Variants in CDH4 observed in about 807,000 individuals in gnomAD.
CDH4 encodes cadherin-4.
In CDH4, 33 loss-of-function variants were observed where a neutral mutation model predicts 86.0. The observed-to-expected ratio is 0.38, with a 90% confidence interval of 0.29 to 0.51. The LOEUF (loss-of-function observed/expected upper bound fraction) is 0.51. Among genes scored for constraint, CDH4 ranks in the 20% least tolerant of loss-of-function variants. CDH4 has a pLI of 0.86. For synonymous variants in CDH4, 555 were observed against 549.4 expected, an observed-to-expected ratio of 1.01 and a Z score of -0.14; for missense variants, 1,114 against 1,307.4, an observed-to-expected ratio of 0.85 and a Z score of 2.28.
chr20:61,387,810 C>T (rs927773816), intron 2 of CDH4, among the ~76,000 whole-genome samples: 1 of 152,208 alleles, frequency 6.6e-6, no homozygotes, highest in Non-Finnish European at 1.5e-5. Flanking sequence ...AAGCCCGCAC[C>T]GGCCCGTGGC....
Position 61,623,318 on chromosome 20 carries a change from C to T in CDH4, c.170-120245C>T, listed in dbSNP as rs2086795861. Among the ~76,000 whole-genome samples the T allele has an allele frequency of 6.6e-6, 1 of 152,168 alleles. No individual in the cohort carries two copies. Among genetic ancestry groups the T allele is most frequent in the South Asian group, 2.1e-4 (1 of 4,828 alleles). On this transcript the variant is annotated intron_variant, in intron 2 of 15. Coordinates refer to ENST00000614565, the MANE Select transcript of CDH4 (RefSeq NM_001794.5). This position sits in a 1 kb window ranked among gnomAD's most constrained non-coding sequence, Gnocchi z 4.4. ...AGCAGACAGCTGCTGGTTTCCGTGG[C>T]TGCCTTCCTAGGGGAGCATGGTGAC...
chr20:61,769,033 G>A (rs2145980742), intron 3 of CDH4, among the ~76,000 whole-genome samples: 1 of 152,292 alleles, frequency 6.6e-6, no homozygotes, highest in East Asian at 1.9e-4. Flanking sequence ...GTCTCCCGCT[G>A]GGAGATGCGG....
chr20:61,340,913 C>G (rs1037379165), intron 2 of CDH4, among the ~76,000 whole-genome samples: 2 of 152,178 alleles, frequency 1.3e-5, no homozygotes, highest in Non-Finnish European at 2.9e-5. Context: ...ATTAGCCACA[C>G]CTTCATGAGC....
At chr20:61,576,061 A>T (rs758861321) in intron 2 of CDH4, among the ~76,000 whole-genome samples, 1 of 152,166 alleles carries the variant, frequency 6.6e-6, no homozygotes, top group Non-Finnish European at 1.5e-5. Flanking sequence ...GGAGGGGAAG[A>T]TGAAAGAGGG....
chr20:61,842,915 C>T (rs1197188219), intron 4 of CDH4, among the ~76,000 whole-genome samples: 17 of 152,116 alleles, frequency 1.1e-4, no homozygotes, highest in Admixed American at 1.1e-3. Flanking sequence ...GTATAACAGT[C>T]GCGTTGTTAT....
intron 2 of CDH4, among the ~76,000 whole-genome samples, chr20:61,631,634 A>G (rs1362794997): frequency 6.6e-6 from 1 of 151,892 alleles, no homozygotes; most frequent in African/African-American, 2.4e-5. Context: ...ACAAAGCAAA[A>G]CTCCATCTCT....
intron 2 of CDH4, among the ~76,000 whole-genome samples, chr20:61,680,021 TG>T (rs2087493032): frequency 1.3e-5 from 2 of 152,236 alleles, no homozygotes; most frequent in Admixed American, 1.3e-4. Context: ...CTGAGGAGCC[TG>T]TCCACAGCCT....
rs1297608378 is a variant in CDH4, at chr20:61,811,217, T to C, written c.577-33451T>C. On this transcript the variant is annotated intron_variant, in intron 4 of 15. Transcript: ENST00000614565. The surrounding 1 kb of genome is among the most constrained non-coding windows in gnomAD (Gnocchi z 4.4). ...ATCCCTGCTGAGGATGTGAACCAGG[T>C]GAAGTGAAGAATTGCTGGAGGAAAC... is the stretch of plus-strand genomic sequence containing the variant. Among the ~76,000 whole-genome samples the C allele has an allele frequency of 1.3e-5, 2 of 151,384 alleles. No individual in the cohort carries two copies. Among genetic ancestry groups the C allele is most frequent in the Admixed American group, 1.3e-4 (2 of 15,208 alleles).
chr20:61,485,156 C>CT (rs2085589088), intron 2 of CDH4, among the ~76,000 whole-genome samples: 1 of 152,198 alleles, frequency 6.6e-6, no homozygotes. Context: ...GTCAGCACCC[C>CT]TGTTCCATTG....
chr20:61,899,600 TG>T (rs2122886234), intron 8 of CDH4, among the ~76,000 whole-genome samples: 1 of 152,228 alleles, frequency 6.6e-6, no homozygotes, highest in East Asian at 1.9e-4. Flanking sequence ...GCTAATTTTT[TG>T]TATTCTTAGT....
At chr20:61,721,352 C>A (rs2088039319) in intron 2 of CDH4, among the ~76,000 whole-genome samples, 1 of 152,186 alleles carries the variant, frequency 6.6e-6, no homozygotes, top group Non-Finnish European at 1.5e-5. Context: ...GGCTGCTGGA[C>A]AGTCCTCTCC....
At position 61,419,410 on chromosome 20, in the gene CDH4, T is replaced by C. The variant is rs145635749; in HGVS notation, c.169+164473T>C. Among the ~76,000 whole-genome samples the C allele has an allele frequency of 2.4e-4, 36 of 152,294 alleles. No individual in the cohort carries two copies. In the East Asian group the frequency reaches 6.9e-3, roughly 29 times the overall value. On this transcript the variant is annotated intron_variant, in intron 2 of 15. Transcript: ENST00000614565. ...AGGCAAGTTCGTGGTGCCTCAGAGATGAAACCTGAGAGATGTAAAAACTCC... is the reference window on the plus strand; with the variant it reads ...AGGCAAGTTCGTGGTGCCTCAGAGACGAAACCTGAGAGATGTAAAAACTCC...
At chr20:61,374,254 G>A (rs202226589) in intron 2 of CDH4, among the ~76,000 whole-genome samples, 3 of 152,184 alleles carry the variant, frequency 2.0e-5, no homozygotes, top group East Asian at 3.9e-4. Flanking sequence ...GAGGAGATGC[G>A]TGAAGCTGGA....
intron 2 of CDH4, among the ~76,000 whole-genome samples, chr20:61,542,049 T>C (rs945134484): frequency 6.6e-6 from 1 of 152,098 alleles, no homozygotes; most frequent in Non-Finnish European, 1.5e-5. Context: ...CTCTTTCTCA[T>C]GTGAAAATCC....
chr20:61,642,614 G>A (rs117686671), intron 2 of CDH4, among the ~76,000 whole-genome samples: 46 of 152,334 alleles, frequency 3.0e-4, no homozygotes, highest in East Asian at 2.1e-3. Flanking sequence ...AATGAAGGCA[G>A]AAATAAAAGT....
chr20:61,906,586 G>A lies in CDH4; in HGVS notation c.1189-3836G>A, dbSNP rs1448975840. 5.9e-5 allele frequency among the ~76,000 whole-genome samples: 9 copies of A among 152,350 alleles called. No individual in the cohort carries two copies. The East Asian group carries it at 1.7e-3, about 29-fold the overall frequency. ...AAGATTCAGGCAGGCTGCTTTGGGG[G>A]CAAGGCAGTGTCCCCAGCGGAGGGA... is the stretch of plus-strand genomic sequence containing the variant. On this transcript the variant is annotated intron_variant, in intron 8 of 15. Coordinates refer to ENST00000614565, the MANE Select transcript of CDH4 (RefSeq NM_001794.5).
chr20:61,383,562 G>GATATATGATATATATGAATATATATGA lies in CDH4; in HGVS notation c.169+128643_169+128669dup, dbSNP rs1568822993. Reference sequence around the variant, plus strand: ...ATATATATGAATATATATGATATATGATATATGATATATATGAATATATAT... The same window carrying GATATATGATATATATGAATATATATGA: ...ATATATATGAATATATATGATATATGATATATGATATATATGAATATATATGAATATATGATATATATGAATATATAT... On this transcript the variant is annotated intron_variant, in intron 2 of 15. Coordinates refer to ENST00000614565, the MANE Select transcript of CDH4 (RefSeq NM_001794.5). Among the ~76,000 whole-genome samples, 24 of 1,926 alleles carry GATATATGATATATATGAATATATATGA rather than the reference G, an allele frequency of 0.012. 2 individuals are homozygous for GATATATGATATATATGAATATATATGA. In the East Asian group the frequency reaches 0.15, roughly 12 times the overall value. 1.3% of individuals were successfully genotyped at this position (1,926 alleles called of 152,430 possible). A position where few individuals can be genotyped will look rare whatever the true frequency, so the allele number is the denominator to read the frequency against.
At position 61,708,314 on chromosome 20, in the gene CDH4, C is replaced by T. The variant is rs1329004824; in HGVS notation, c.170-35249C>T. Among the ~76,000 whole-genome samples, 2 of 151,988 alleles carry T rather than the reference C, an allele frequency of 1.3e-5. No individual in the cohort carries two copies. The highest frequency in any genetic ancestry group is 2.9e-5 in the Non-Finnish European group (2 of 67,974). ...CCCCGCTGACTCAGACTCCCCGCCC[C>T]CCGCCTACCCCCAGCAGCTTGGTCC... On this transcript the variant is annotated intron_variant, in intron 2 of 15. Transcript: ENST00000614565. The surrounding 1 kb of genome is among the most constrained non-coding windows in gnomAD (Gnocchi z 4.5).
At chr20:61,507,488 C>T (rs1406596538) in intron 2 of CDH4, among the ~76,000 whole-genome samples, 1 of 152,158 alleles carries the variant, frequency 6.6e-6, no homozygotes, top group Non-Finnish European at 1.5e-5. Context: ...CTGTACTTTG[C>T]AGGAGGAAAT....
Sources: allele counts gnomAD v4.1 joint callset (sites outside exome capture counted in the v4.1 genomes callset), GRCh38; gene constraint gnomAD v4.1.1; non-coding constraint Gnocchi (gnomAD v3.1); transcripts MANE v1.5; gene names NCBI Gene and HGNC (gene_info 2026-07-23, HGNC 2026-07-21).